The following DGKD variants were observed in gnomAD, a reference collection of about 807,000 sequenced individuals.
DGKD encodes DAG kinase delta.
DGKD carries 68 observed loss-of-function variants against 154.4 expected under a neutral mutation model. The observed-to-expected ratio is 0.44, with a 90% CI of 0.36 to 0.54. DGKD has a LOEUF of 0.54. Ranked by LOEUF, DGKD falls within the 20% of genes least tolerant of loss-of-function variation. The pLI is 0.00. For synonymous variants in DGKD, 693 were observed against 638.0 expected, an observed-to-expected ratio of 1.09 and a Z score of -1.30; for missense variants, 1,343 against 1,593.6, an observed-to-expected ratio of 0.84 and a Z score of 2.68.
At position 233,470,528 on chromosome 2, in the gene DGKD, T is replaced by C. The variant is rs1375585925; in HGVS notation, c.*1068T>C. 6.6e-6 allele frequency: 1 copy of C among 152,634 alleles called. No homozygotes were observed. Among genetic ancestry groups the C allele is most frequent in the African/African-American group, 2.4e-5 (1 of 41,426 alleles). The allele number at this position is 152,634 out of a possible 1,614,324, so 9.5% of individuals were successfully genotyped here. On this transcript the variant is annotated 3_prime_UTR_variant, in exon 30 of 30. Coordinates refer to ENST00000264057, the MANE Select transcript of DGKD (RefSeq NM_152879.3). Reference sequence around the variant, plus strand: ...GCTGGCAGGGACTCTGATTTGGTGGTCCGCGCTGCCCCTGCCCTGCCTCTG... The same window carrying C: ...GCTGGCAGGGACTCTGATTTGGTGGCCCGCGCTGCCCCTGCCCTGCCTCTG...
intron 3 of DGKD, among the ~76,000 whole-genome samples, chr2:233,414,201 C>T (rs570936170): frequency 6.6e-6 from 1 of 152,326 alleles, no homozygotes; most frequent in East Asian, 1.9e-4. Flanking sequence ...CTGGGCCTCT[C>T]TCTTTCAGGA....
chr2:233,442,231 G>A, intron 10 of DGKD: 1 of 646,928 alleles, frequency 1.5e-6, no homozygotes, highest in Non-Finnish European at 2.9e-6. Flanking sequence ...GGACCTGAAG[G>A]GAGCTACGAA....
chr2:233,439,547 C>A (rs1330193753), intron 9 of DGKD, among the ~76,000 whole-genome samples: 1 of 152,132 alleles, frequency 6.6e-6, no homozygotes. Context: ...GTAGGCTGAT[C>A]AAGATATTTT....
At chr2:233,393,320 G>A (rs975104352) in intron 3 of DGKD, among the ~76,000 whole-genome samples, 11 of 143,498 alleles carry the variant, frequency 7.7e-5, no homozygotes, top group Admixed American at 2.1e-4. Context: ...GAGCCACCAC[G>A]CCTGGCCTGT....
intron 1 of DGKD, among the ~76,000 whole-genome samples, chr2:233,373,784 G>A (rs1160030732): frequency 6.6e-6 from 1 of 152,170 alleles, no homozygotes; most frequent in East Asian, 1.9e-4. Context: ...TGAATAGGAT[G>A]TATTTTAGCT....
intron 3 of DGKD, among the ~76,000 whole-genome samples, chr2:233,423,444 G>A (rs934391990): frequency 4.6e-5 from 7 of 152,160 alleles, no homozygotes; most frequent in Non-Finnish European, 8.8e-5. Flanking sequence ...TGTAGCCATC[G>A]TGATAGGTGC....
rs114373341 is a variant in DGKD at position 233,369,166 on chromosome 2, T to G, written c.156+14492T>G. Among the ~76,000 whole-genome samples the G allele has an allele frequency of 4.4e-3, 671 of 152,320 alleles. 5 individuals carry two copies. The highest frequency in any genetic ancestry group is 7.0e-3 in the Non-Finnish European group (479 of 68,024). ...TTTATTTTTTGGGGGGAGGTTCTCA[T>G]CTGTAGGTTAGACCATCTGTCTCCT... On this transcript the variant is annotated intron_variant, in intron 1 of 29. Transcript: ENST00000264057.
chr2:233,443,082 G>A (rs552172821), intron 10 of DGKD, among the ~76,000 whole-genome samples: 1 of 152,316 alleles, frequency 6.6e-6, no homozygotes, highest in East Asian at 1.9e-4. Flanking sequence ...GCGCACCCAA[G>A]CTTAAGTATT....
chr2:233,412,849 G>GT (rs755271714), intron 3 of DGKD, among the ~76,000 whole-genome samples: 1 of 152,042 alleles, frequency 6.6e-6, no homozygotes, highest in Admixed American at 6.6e-5. Context: ...TGAACACATG[G>GT]TTTTTTTCTC....
At chr2:233,443,826 G>C (rs758110187) in intron 10 of DGKD, among the ~76,000 whole-genome samples, 1 of 152,242 alleles carries the variant, frequency 6.6e-6, no homozygotes, top group Non-Finnish European at 1.5e-5. Flanking sequence ...CCTTGTGGCT[G>C]ATTTTCATAC....
intron 26 of DGKD, among the ~76,000 whole-genome samples, 176 bp downstream of exon 26, chr2:233,462,911 C>T (rs1287494509): frequency 6.6e-6 from 1 of 152,240 alleles, no homozygotes; most frequent in African/African-American, 2.4e-5. Context: ...GCTGGCAACC[C>T]CTCAGTCAGG....
intron 3 of DGKD, chr2:233,429,425 G>C: frequency 1.4e-6 from 1 of 705,778 alleles, no homozygotes; most frequent in Middle Eastern, 7.4e-4. Flanking sequence ...GGACGGTGCC[G>C]ATGACATGCA....
At chr2:233,425,492 T>A (rs188969718) in intron 3 of DGKD, among the ~76,000 whole-genome samples, 99 of 152,322 alleles carry the variant, frequency 6.5e-4, no homozygotes, top group Non-Finnish European at 1.2e-3. Context: ...CGGCCGACTT[T>A]ATTCTTTTTT....
chr2:233,443,921 C>T (rs576052980), intron 10 of DGKD, among the ~76,000 whole-genome samples: 3 of 152,294 alleles, frequency 2.0e-5, no homozygotes, highest in East Asian at 1.9e-4. Flanking sequence ...GGGCCCCTGC[C>T]GCCTCGGGGT....
chr2:233,436,934 T>C (rs534121282), intron 7 of DGKD, among the ~76,000 whole-genome samples: 2 of 152,310 alleles, frequency 1.3e-5, no homozygotes, highest in African/African-American at 4.8e-5. Flanking sequence ...TCAGGGAGCC[T>C]CCATGTACTT....
At chr2:233,360,542 G>A (rs1380051300) in intron 1 of DGKD, among the ~76,000 whole-genome samples, 1 of 152,048 alleles carries the variant, frequency 6.6e-6, no homozygotes, top group Non-Finnish European at 1.5e-5. Context: ...ACAGACATGA[G>A]CTACTGTGCC....
At position 233,449,629 on chromosome 2, in the gene DGKD, C is replaced by T. The variant is rs1331551439; in HGVS notation, c.1888+253C>T. 2.0e-5 allele frequency among the ~76,000 whole-genome samples: 3 copies of T among 152,118 alleles called. No individual in the cohort carries two copies. The highest frequency in any genetic ancestry group is 4.4e-5 in the Non-Finnish European group (3 of 68,012). On this transcript the variant is annotated intron_variant, in intron 15 of 29. Transcript: ENST00000264057. This position sits in a 1 kb window ranked among gnomAD's most constrained non-coding sequence, Gnocchi z 5.3. ...TGGCCCTCATTGACTTCACTATAAG[C>T]GTCTCACTCCCGTGAGAGCCTTGAG...
In DGKD at chr2:233,402,790, A is replaced by G. The variant is rs116680738; in HGVS notation, c.348+12307A>G. The stretch of plus-strand genomic sequence containing the variant: ...GCATTACCCTGGCCACCTAATTTCA[A>G]ATCAGTTGGAAAAGATGCAAGTTTT... On this transcript the variant is annotated intron_variant, in intron 3 of 29. Coordinates refer to ENST00000264057, the MANE Select transcript of DGKD (RefSeq NM_152879.3). 1.6e-3 allele frequency among the ~76,000 whole-genome samples: 243 copies of G among 152,318 alleles called. 1 individual carries two copies. Among genetic ancestry groups the G allele is most frequent in the African/African-American group, 5.6e-3 (231 of 41,568 alleles).
In DGKD at chr2:233,440,266, C is replaced by T. The variant is rs553838579; in HGVS notation, c.1086-1621C>T. On this transcript the variant is annotated intron_variant, in intron 9 of 29. Transcript: ENST00000264057. The surrounding 1 kb of genome is among the most constrained non-coding windows in gnomAD (Gnocchi z 4.9). ...GGCCTTGACCTGTCACCTCTTCTCCCGAGAGCAGGGGGCCTTACAGGTGTC... is the reference window on the plus strand; with the variant it reads ...GGCCTTGACCTGTCACCTCTTCTCCTGAGAGCAGGGGGCCTTACAGGTGTC... 1.4e-4 allele frequency among the ~76,000 whole-genome samples: 22 copies of T among 152,162 alleles called. No individual in the cohort carries two copies. Among genetic ancestry groups the T allele is most frequent in the Admixed American group, 7.2e-4 (11 of 15,278 alleles).
Sources: allele counts gnomAD v4.1 joint callset (sites outside exome capture counted in the v4.1 genomes callset), GRCh38; gene constraint gnomAD v4.1.1; non-coding constraint Gnocchi (gnomAD v3.1); transcripts MANE v1.5; gene names NCBI Gene and HGNC (gene_info 2026-07-23, HGNC 2026-07-21).